Variants in USH2A observed in about 807,000 individuals in gnomAD.
USH2A encodes usherin, also known as Usher syndrome 2A (autosomal recessive, mild).
USH2A carries 443 observed loss-of-function variants against 538.9 expected under a neutral mutation model. That is an observed-to-expected ratio of 0.82 (90% CI 0.76 to 0.89). The LOEUF (loss-of-function observed/expected upper bound fraction) is 0.89. USH2A is among the 40% of genes least tolerant of loss of function. The pLI, the probability that USH2A is intolerant of heterozygous loss-of-function variation, is 0.00. For missense variants in USH2A, 6,633 were observed against 6,324.8 expected, an observed-to-expected ratio of 1.05 and a Z score of -1.65; for synonymous variants, 2,413 against 2,273.5, an observed-to-expected ratio of 1.06 and a Z score of -1.75.
At position 215,993,186 on chromosome 1, in the gene USH2A, A is replaced by G; in HGVS notation, c.6658-19T>C. 3 of 1,614,046 alleles carry G rather than the reference A, an allele frequency of 1.9e-6. No individual in the cohort carries two copies. Among genetic ancestry groups the G allele is most frequent in the Non-Finnish European group, 2.5e-6 (3 of 1,179,946 alleles). ...TGCAAGCCTAAACAGAGATGCAAAA[A>G]TGCTCATTTCACTCTTGGTCCCAAA... On this transcript the variant is annotated intron_variant, in intron 34 of 71. Transcript: ENST00000307340.
chr1:216,016,731 T>C lies in USH2A; in HGVS notation c.6326-16169A>G, dbSNP rs549385266. 4.4e-4 allele frequency among the ~76,000 whole-genome samples: 67 copies of C among 152,238 alleles called. 1 individual carries two copies. In the South Asian group the frequency reaches 0.011, roughly 25 times the overall value. ...CTCCTAATTGTTGAATAGTAAAACC[T>C]TTCTGCAATAAGAAAACTGGCAAAA... On this transcript the variant is annotated intron_variant, in intron 32 of 71. Coordinates refer to ENST00000307340, the MANE Select transcript of USH2A (RefSeq NM_206933.4).
rs1376970919 is a variant in USH2A at position 215,970,776 on chromosome 1, C to A, written c.6806G>T (p.Gly2269Val). Residue 2269 changes from glycine to valine, a missense_variant and splice_region_variant, in exon 36 of 72, where the codon GGT (glycine) becomes GTT (valine). Coordinates refer to ENST00000307340, the MANE Select transcript of USH2A (RefSeq NM_206933.4). ...ATATAATCCATAACTCGTGATAACA[C>A]CTGGGAAGATAATAATTGCCTTTCA... ...VSWTEPEYPN[G>V]VITSYGLYLD... 1 of 1,613,178 alleles carries A rather than the reference C, an allele frequency of 6.2e-7. No individual in the cohort carries two copies. Among genetic ancestry groups the A allele is most frequent in the African/African-American group, 1.3e-5 (1 of 74,936 alleles).
At chr1:215,628,733 T>C in intron 71 of USH2A, 81 bp downstream of exon 71, 1 of 1,462,004 alleles carries the variant, frequency 6.8e-7, no homozygotes, top group Non-Finnish European at 9.6e-7. Flanking sequence ...TGGGGCAGCA[T>C]TCGGTGAAGT....
At chr1:216,296,207 T>G (rs1262054454) in intron 9 of USH2A, among the ~76,000 whole-genome samples, 1 of 152,106 alleles carries the variant, frequency 6.6e-6, no homozygotes, top group Admixed American at 6.5e-5. Flanking sequence ...AGTGCTACTT[T>G]TTAATAATTG....
chr1:216,291,729 A>G (rs908865932), intron 10 of USH2A, among the ~76,000 whole-genome samples: 7 of 152,208 alleles, frequency 4.6e-5, no homozygotes, highest in Admixed American at 6.5e-5. Context: ...TATTTTCAAA[A>G]AGAGTATTCT....
rs79279902 is a variant in USH2A, at chr1:216,198,464, G to A, written c.3932C>T (p.Ser1311Leu). Residue 1311 changes from serine (S) to leucine (L), a missense_variant, in exon 18 of 72, where the codon TCG (serine) becomes TTG (leucine). Coordinates refer to ENST00000307340, the MANE Select transcript of USH2A (RefSeq NM_206933.4). The part of the protein sequence containing the change: ...GWLSPHSFVE[S>L]ANENALKPPQ... ...AGGTTTTAATGCATTTTCATTGGCCGATTCTACAAATGAATGAGGACTGAG... is the reference window on the plus strand; with the variant it reads ...AGGTTTTAATGCATTTTCATTGGCCAATTCTACAAATGAATGAGGACTGAG... 3.1e-5 allele frequency: 50 copies of A among 1,613,958 alleles called. No homozygotes were observed. The highest frequency in any genetic ancestry group is 1.6e-4 in the Middle Eastern group (1 of 6,062).
intron 40 of USH2A, among the ~76,000 whole-genome samples, chr1:215,897,737 GAGAGAA>G (rs1211572590): frequency 9.8e-6 from 1 of 102,022 alleles, no homozygotes; most frequent in Non-Finnish European, 2.0e-5. Context: ...GAAAGAAAGA[GAGAGAA>G]AGAGAAAGAG....
At chr1:216,195,427 CT>C (rs1165230669) in intron 19 of USH2A, among the ~76,000 whole-genome samples, 1 of 152,108 alleles carries the variant, frequency 6.6e-6, no homozygotes, top group Non-Finnish European at 1.5e-5. Flanking sequence ...TGGTATGTGG[CT>C]GCAAGTCTAA....
intron 11 of USH2A, among the ~76,000 whole-genome samples, chr1:216,276,670 A>G (rs1396876758): frequency 1.3e-5 from 2 of 152,102 alleles, no homozygotes; most frequent in Non-Finnish European, 2.9e-5. Flanking sequence ...ACAGTTCCAT[A>G]TGGCTGGGGA....
At chr1:216,009,114 C>T (rs1287751156) in intron 32 of USH2A, among the ~76,000 whole-genome samples, 2 of 151,844 alleles carry the variant, frequency 1.3e-5, no homozygotes, top group Admixed American at 6.6e-5. Flanking sequence ...ATTTCCACAC[C>T]CTGACCTCTT....
chr1:215,947,462 T>G (rs555408562), intron 37 of USH2A, among the ~76,000 whole-genome samples: 1 of 152,248 alleles, frequency 6.6e-6, no homozygotes, highest in Non-Finnish European at 1.5e-5. Context: ...TCTGATGTGC[T>G]AAAGGGACAA....
intron 30 of USH2A, among the ~76,000 whole-genome samples, chr1:216,051,946 G>A (rs986355838): frequency 5.9e-5 from 9 of 152,170 alleles, no homozygotes; most frequent in Non-Finnish European, 1.0e-4. Context: ...TTATAAGGAA[G>A]GGTATTCTAT....
intron 9 of USH2A, among the ~76,000 whole-genome samples, chr1:216,300,864 T>C (rs1249564770): frequency 6.6e-6 from 1 of 150,606 alleles, no homozygotes; most frequent in Non-Finnish European, 1.5e-5. Context: ...TTCTCATGCC[T>C]CAGCCTCCCG....
intron 58 of USH2A, among the ~76,000 whole-genome samples, chr1:215,755,071 A>G (rs962353850): frequency 6.6e-6 from 1 of 152,194 alleles, no homozygotes; most frequent in Non-Finnish European, 1.5e-5. Context: ...GGTTTCAGCA[A>G]TACCTAGATC....
intron 30 of USH2A, among the ~76,000 whole-genome samples, chr1:216,063,011 G>T (rs547011851): frequency 5.2e-4 from 79 of 152,260 alleles, no homozygotes; most frequent in African/African-American, 1.8e-3. Flanking sequence ...TTCAGTGTCA[G>T]AATTATTTTA....
intron 32 of USH2A, among the ~76,000 whole-genome samples, chr1:216,002,632 G>T (rs1018595499): frequency 1.3e-5 from 2 of 152,112 alleles, no homozygotes; most frequent in Non-Finnish European, 2.9e-5. Flanking sequence ...ATATCAGATT[G>T]TCTTGGTCAG....
At chr1:216,263,190 C>T (rs907571692) in intron 11 of USH2A, among the ~76,000 whole-genome samples, 1 of 152,066 alleles carries the variant, frequency 6.6e-6, no homozygotes, top group African/African-American at 2.4e-5. Flanking sequence ...TGAAATCTAC[C>T]AAACTTTAAT....
intron 37 of USH2A, among the ~76,000 whole-genome samples, chr1:215,964,570 G>A (rs1459065130): frequency 6.6e-5 from 10 of 152,104 alleles, no homozygotes; most frequent in Non-Finnish European, 1.5e-4. Flanking sequence ...CTGAATCCAC[G>A]ATATTGCATA....
At chr1:215,831,412 C>T (rs889642515) in intron 47 of USH2A, among the ~76,000 whole-genome samples, 5 of 152,052 alleles carry the variant, frequency 3.3e-5, no homozygotes, top group Admixed American at 2.0e-4. Flanking sequence ...CAGACTGTAC[C>T]TTCTCCTCAA....
Sources: gnomAD v4.1 joint callset for allele counts (sites outside exome capture counted in the v4.1 genomes callset) on GRCh38, gnomAD v4.1.1 for gene constraint, MANE v1.5 for transcripts, NCBI Gene and HGNC (gene_info 2026-07-23, HGNC 2026-07-21) for gene names.